The following RPL18 variants were observed in gnomAD, a reference collection of about 807,000 sequenced individuals.
RPL18 encodes large ribosomal subunit protein eL18.
RPL18 carries 4 observed loss-of-function variants against 25.0 expected under a neutral mutation model. The observed-to-expected ratio is 0.16, with a 90% CI of 0.08 to 0.37. The LOEUF (loss-of-function observed/expected upper bound fraction) is 0.37. Among genes scored for constraint, RPL18 ranks in the 10% least tolerant of loss-of-function variants. The pLI, the probability that RPL18 is intolerant of heterozygous loss-of-function variation, is 1.00. For synonymous variants in RPL18, 129 were observed against 101.6 expected (o/e 1.27, Z -1.62); for missense variants, 179 against 267.9 (o/e 0.67, Z 2.32).
intron 4 of RPL18, 146 bp downstream of exon 4, chr19:48,616,580 C>T (rs552088682): frequency 2.7e-6 from 2 of 751,800 alleles, no homozygotes; most frequent in African/African-American, 1.7e-5. Flanking sequence ...CCACACCAAT[C>T]CTCAAAGCCA....
At chr19:48,615,489 G>A (rs1452095978) in intron 6 of RPL18, 42 bp from the exon 7 acceptor site, 4 of 1,482,490 alleles carry the variant, frequency 2.7e-6, no homozygotes, top group Non-Finnish European at 3.7e-6. Context: ...CCTCTTAAAG[G>A]AGGCCATTGT....
intron 2 of RPL18, 167 bp from the exon 3 acceptor site, chr19:48,617,590 C>A (rs1373601477): frequency 1.5e-6 from 1 of 687,714 alleles, no homozygotes; most frequent in Admixed American, 2.8e-5. Flanking sequence ...TGGCCAAGGA[C>A]CTAGAAAATC....
chr19:48,617,955 G>A (rs1974233802), intron 1 of RPL18, 78 bp from the exon 2 acceptor site: 2 of 1,146,644 alleles, frequency 1.7e-6, no homozygotes, highest in Non-Finnish European at 2.6e-6. Flanking sequence ...GAAACTGAGA[G>A]CTGGGACACA....
In RPL18 at chr19:48,616,828, A is replaced by C; in HGVS notation, c.199-4T>G. Reference sequence around the variant, plus strand: ...CAGGAAGCTTCATCTTCCGGATCTTAGGGTGGGGAGGATGTACGTCGTAAG... The same window carrying C: ...CAGGAAGCTTCATCTTCCGGATCTTCGGGTGGGGAGGATGTACGTCGTAAG... On this transcript the variant is annotated splice_polypyrimidine_tract_variant and splice_region_variant and intron_variant, in intron 3 of 6. Coordinates refer to ENST00000549920, the MANE Select transcript of RPL18 (RefSeq NM_000979.4). The C allele has an allele frequency of 1.7e-5, 27 of 1,607,050 alleles. No homozygotes were observed. The highest frequency in any genetic ancestry group is 2.3e-5 in the Non-Finnish European group (27 of 1,174,222).
Position 48,617,197 on chromosome 19 carries a change from G to C in RPL18, c.198+119C>G, listed in dbSNP as rs774792164. 3.5e-6 allele frequency: 3 copies of C among 845,296 alleles called. No homozygotes were observed. The South Asian group carries it at 4.0e-5, about 11-fold the overall frequency. 52.4% of individuals were successfully genotyped at this position (845,296 alleles called of 1,614,324 possible). ...CAGTCCAAGCTCTACGCTCGCGACT[G>C]GCTGAGACAAACCCTTGATGCCCTG... On this transcript the variant is annotated intron_variant, in intron 3 of 6. Transcript: ENST00000549920.
At position 48,615,398 on chromosome 19, in the gene RPL18, G is replaced by A. The variant is rs765612540; in HGVS notation, c.541C>T (p.Arg181Trp). The A allele has an allele frequency of 6.2e-7, 1 of 1,612,770 alleles. No homozygotes were observed. The highest frequency in any genetic ancestry group is 2.2e-5 in the East Asian group (1 of 44,858). Residue 181 changes from arginine to tryptophan, a missense_variant, in exon 7 of 7, where the codon CGG (arginine) becomes TGG (tryptophan). Arg to Trp is a moderately radical substitution (Grantham distance 101). Transcript: ENST00000549920. ...TAGTTTTTGTAGCCTCGGCTGGCCC[G>A]TCGGCCTCTGGCACGCTCGAACTTC... Reference protein sequence around the residue: ...GRKFERARGRRASRGYKN With the variant: ...GRKFERARGRWASRGYKN
rs141675994 is a variant in RPL18, at chr19:48,616,787, G to A, written c.236C>T (p.Thr79Met). ...AGTTATGGTCCCCACAACCACGGCC[G>A]TCTTGTTTTCCCGGCCAGGAAGCTT... ...KMKLPGRENK[T>M]AVVVGTITDD... is the part of the protein sequence containing the mutation. The change falls in exon 4 of 7, where the codon ACG (threonine) becomes ATG (methionine). Residue 79 changes from threonine to methionine, a missense_variant. By Grantham distance (81) the Thr-to-Met change is moderately conservative (BLOSUM62 -1). Transcript: ENST00000549920. 82 of 1,613,798 alleles carry A rather than the reference G, an allele frequency of 5.1e-5. No individual in the cohort carries two copies. The highest frequency in any genetic ancestry group is 6.7e-5 in the East Asian group (3 of 44,892).
chr19:48,616,672 C>CACAGCACAGT (rs745740053), intron 4 of RPL18, 54 bp downstream of exon 4: 6 of 1,227,204 alleles, frequency 4.9e-6, no homozygotes, highest in Admixed American at 1.7e-5. Context: ...CACAGCACAG[C>CACAGCACAGT]ACAGCACAGT....
At chr19:48,618,023 G>GC in intron 1 of RPL18, 146 bp from the exon 2 acceptor site, 1 of 617,286 alleles carries the variant, frequency 1.6e-6, no homozygotes, top group South Asian at 1.9e-5. Flanking sequence ...AGACCTGTGG[G>GC]CTGCCACTGA....
In RPL18 at chr19:48,616,285, C is replaced by T; in HGVS notation, c.298-83G>A. ...CAGGACTCACCCTCCACTGCCTTGGCGCAGCAGAGCCCTGGTAACCAACAC... is the reference window on the plus strand; with the variant it reads ...CAGGACTCACCCTCCACTGCCTTGGTGCAGCAGAGCCCTGGTAACCAACAC... On this transcript the variant is annotated intron_variant, in intron 4 of 6. Coordinates refer to ENST00000549920, the MANE Select transcript of RPL18 (RefSeq NM_000979.4). 17 of 1,553,708 alleles carry T rather than the reference C, an allele frequency of 1.1e-5. No homozygotes were observed. In the South Asian group the frequency reaches 1.2e-4, roughly 11 times the overall value.
At chr19:48,618,862 G>A (rs992599034) in intron 1 of RPL18, 16 of 531,226 alleles carry the variant, frequency 3.0e-5, no homozygotes, top group African/African-American at 2.7e-4. Flanking sequence ...TGCGGGTCCA[G>A]CCACCTGGGT....
intron 4 of RPL18, 98 bp from the exon 5 acceptor site, chr19:48,616,300 G>C: frequency 6.7e-7 from 1 of 1,500,162 alleles, no homozygotes; most frequent in Non-Finnish European, 9.1e-7. Context: ...CAGAGCCCTG[G>C]TAACCAACAC....
intron 3 of RPL18, 90 bp from the exon 4 acceptor site, chr19:48,616,914 C>A: frequency 1.1e-6 from 1 of 943,084 alleles, no homozygotes; most frequent in Non-Finnish European, 1.7e-6. Context: ...CAGCTGTGCC[C>A]TCTAACGGGA....
At chr19:48,619,049 G>A (rs1974289075) in intron 1 of RPL18, 92 bp downstream of exon 1, 9 of 1,386,104 alleles carry the variant, frequency 6.5e-6, no homozygotes, top group Non-Finnish European at 8.0e-6. Flanking sequence ...GGCAGCCGCA[G>A]ACCCCCTGCC....
intron 4 of RPL18, 57 bp downstream of exon 4, chr19:48,616,669 C>T: frequency 8.3e-7 from 1 of 1,206,278 alleles, no homozygotes; most frequent in Non-Finnish European, 1.2e-6. Flanking sequence ...CAGCACAGCA[C>T]AGCACAGCAC....
Position 48,619,124 on chromosome 19 carries a change from C to A in RPL18, c.3+17G>T. 1 of 1,600,812 alleles carries A rather than the reference C, an allele frequency of 6.2e-7. No individual in the cohort carries two copies. On this transcript the variant is annotated intron_variant, in intron 1 of 6. Coordinates refer to ENST00000549920, the MANE Select transcript of RPL18 (RefSeq NM_000979.4). ...GCAGCGGATTATCCAGCCCCGAACG[C>A]CGCAAAGCGAGCTCACCATGATGGC...
At chr19:48,617,196 T>C (rs1568425092) in intron 3 of RPL18, 120 bp downstream of exon 3, 1 of 841,350 alleles carries the variant, frequency 1.2e-6, no homozygotes, top group Non-Finnish European at 2.1e-6. Flanking sequence ...CGCTCGCGAC[T>C]GGCTGAGACA....
chr19:48,615,438 G>A lies in RPL18; in HGVS notation c.501C>T (p.Val167=), dbSNP rs1175730382. ...GTPHSHTKPY[V]RSKGRKFERA... is the part of the protein sequence containing the mutation. ...GCTCGAACTTCCGGCCCTTGGAGCGGACGTAGGGTCTGTGGGGAGAGGAGG... is the reference window on the plus strand; with the variant it reads ...GCTCGAACTTCCGGCCCTTGGAGCGAACGTAGGGTCTGTGGGGAGAGGAGG... The change falls in exon 7 of 7, where the codon GTC becomes GTT. Residue 167 remains valine, a synonymous_variant. Transcript: ENST00000549920. 1 of 1,613,052 alleles carries A rather than the reference G, an allele frequency of 6.2e-7. No homozygotes were observed. Among genetic ancestry groups the A allele is most frequent in the African/African-American group, 1.3e-5 (1 of 75,030 alleles).
At chr19:48,615,700 G>A in intron 6 of RPL18, 177 bp downstream of exon 6, 1 of 675,514 alleles carries the variant, frequency 1.5e-6, no homozygotes, top group Non-Finnish European at 2.6e-6. Context: ...TCAGGCCCTG[G>A]AAAACACAGC....
Sources: gnomAD v4.1 joint callset for allele counts on GRCh38, gnomAD v4.1.1 for gene constraint, MANE v1.5 for transcripts, NCBI Gene and HGNC (gene_info 2026-07-23, HGNC 2026-07-21) for gene names.